The following ERC2 variants were observed in gnomAD, a reference collection of about 807,000 sequenced individuals.
ERC2 encodes ELKS/RAB6-interacting/CAST family member 2, also known as ERC protein 2.
ERC2 carries 42 observed loss-of-function variants against 114.8 expected under a neutral mutation model. The ratio of observed to expected loss-of-function variants is 0.37; its 90% confidence interval spans 0.29 to 0.47. ERC2 has a LOEUF of 0.47. Among genes scored for constraint, ERC2 ranks in the 20% least tolerant of loss-of-function variants. The pLI is 0.99. For synonymous variants in ERC2, 454 were observed against 425.5 expected, an observed-to-expected ratio of 1.07 and a Z score of -0.82; for missense variants, 939 against 1,150.7, an observed-to-expected ratio of 0.82 and a Z score of 2.66.
At chr3:55,575,915 C>T (rs1022963130) in intron 17 of ERC2, among the ~76,000 whole-genome samples, 4 of 152,214 alleles carry the variant, frequency 2.6e-5, no homozygotes, top group Non-Finnish European at 5.9e-5. Context: ...CTTTTCCTAT[C>T]CCCACTTACA....
chr3:56,184,510 A>AT (rs1421153557), intron 3 of ERC2, among the ~76,000 whole-genome samples: 1 of 152,154 alleles, frequency 6.6e-6, no homozygotes, highest in Non-Finnish European at 1.5e-5. Context: ...CTAGTGCCTG[A>AT]TTTGCTCTGC....
intron 17 of ERC2, among the ~76,000 whole-genome samples, chr3:55,629,270 G>C (rs1250308746): frequency 2.0e-5 from 3 of 152,204 alleles, no homozygotes; most frequent in Non-Finnish European, 4.4e-5. Context: ...ATGGCTCCCA[G>C]AGATGATCGG....
intron 2 of ERC2, among the ~76,000 whole-genome samples, chr3:56,370,398 C>T (rs2059317628): frequency 6.6e-6 from 1 of 152,142 alleles, no homozygotes; most frequent in South Asian, 2.1e-4. Flanking sequence ...ATTGCTAATA[C>T]TGCCTTTTGG....
intron 17 of ERC2, among the ~76,000 whole-genome samples, chr3:55,609,764 G>A (rs1358698438): frequency 1.3e-5 from 2 of 152,052 alleles, no homozygotes; most frequent in African/African-American, 2.4e-5. Flanking sequence ...TTATGGGCAG[G>A]AGGAAGCACT....
intron 17 of ERC2, among the ~76,000 whole-genome samples, chr3:55,641,029 C>G (rs991087784): frequency 6.6e-6 from 1 of 152,148 alleles, no homozygotes; most frequent in Non-Finnish European, 1.5e-5. Flanking sequence ...GAGAAAGAGG[C>G]TTCCATACAT....
intron 14 of ERC2, among the ~76,000 whole-genome samples, chr3:55,789,650 G>A (rs978812362): frequency 1.3e-5 from 2 of 152,200 alleles, no homozygotes; most frequent in South Asian, 4.1e-4. Context: ...AGGTACAATT[G>A]CTATCATTTC....
intron 7 of ERC2, among the ~76,000 whole-genome samples, chr3:56,060,951 C>T (rs2076220124): frequency 6.6e-6 from 1 of 152,114 alleles, no homozygotes; most frequent in African/African-American, 2.4e-5. Context: ...ATAAAGATGG[C>T]CTGGCATGAT....
At chr3:56,340,394 C>G (rs1007306501) in intron 2 of ERC2, among the ~76,000 whole-genome samples, 1 of 152,122 alleles carries the variant, frequency 6.6e-6, no homozygotes, top group Non-Finnish European at 1.5e-5. Context: ...TGTACCTCAG[C>G]AGGGTATCAA....
At chr3:56,417,056 G>C (rs1392870528) in intron 2 of ERC2, among the ~76,000 whole-genome samples, 8 of 152,222 alleles carry the variant, frequency 5.3e-5, no homozygotes, top group Admixed American at 5.2e-4. Context: ...TTATGCAGCA[G>C]ATGGATTCTG....
At chr3:55,542,237 C>T (rs564210056) in intron 17 of ERC2, among the ~76,000 whole-genome samples, 67 of 152,292 alleles carry the variant, frequency 4.4e-4, no homozygotes, top group African/African-American at 1.5e-3. Flanking sequence ...CTCCCTTGTG[C>T]CACGTTAATC....
chr3:56,374,611 A>G (rs1292709934), intron 2 of ERC2, among the ~76,000 whole-genome samples: 2 of 152,188 alleles, frequency 1.3e-5, no homozygotes, highest in African/African-American at 4.8e-5. Flanking sequence ...GAGGTTAAGT[A>G]ACTTCCTGAA....
At chr3:55,848,281 A>G (rs1258574979) in intron 14 of ERC2, among the ~76,000 whole-genome samples, 1 of 152,124 alleles carries the variant, frequency 6.6e-6, no homozygotes, top group African/African-American at 2.4e-5. Flanking sequence ...CTCACTCAAT[A>G]GGTATTTTAT....
intron 14 of ERC2, among the ~76,000 whole-genome samples, chr3:55,887,726 C>T (rs957049202): frequency 1.3e-5 from 2 of 152,052 alleles, no homozygotes; most frequent in Non-Finnish European, 2.9e-5. Context: ...GTCACAGGAC[C>T]ACAGGAACAA....
chr3:55,865,136 A>T (rs992842762), intron 14 of ERC2, among the ~76,000 whole-genome samples: 1 of 152,150 alleles, frequency 6.6e-6, no homozygotes. Context: ...CTAGGTTATA[A>T]CATAATGACC....
intron 2 of ERC2, among the ~76,000 whole-genome samples, chr3:56,357,255 C>T (rs562016859): frequency 1.3e-5 from 2 of 152,244 alleles, no homozygotes; most frequent in South Asian, 2.1e-4. Context: ...TAACAGCAAC[C>T]TTTACTGGGG....
chr3:55,608,405 A>G (rs2058737488), intron 17 of ERC2, among the ~76,000 whole-genome samples: 3 of 152,170 alleles, frequency 2.0e-5, no homozygotes, highest in African/African-American at 7.2e-5. Context: ...ACCAGAGGCA[A>G]TCATATAATT....
intron 14 of ERC2, among the ~76,000 whole-genome samples, chr3:55,749,669 G>T (rs756237485): frequency 4.6e-5 from 7 of 152,230 alleles, no homozygotes; most frequent in Non-Finnish European, 5.9e-5. Flanking sequence ...ATTGAAAAAC[G>T]GGCACTCCGA....
At chr3:55,756,451 G>A (rs2067065049) in intron 14 of ERC2, among the ~76,000 whole-genome samples, 1 of 152,130 alleles carries the variant, frequency 6.6e-6, no homozygotes, top group Non-Finnish European at 1.5e-5. Flanking sequence ...TGCCCCATGG[G>A]ACACAAGGAA....
rs2058260894 is a variant in ERC2 at position 56,345,282 on chromosome 3, ATT to A, written c.658-48849_658-48848del. 2.0e-5 allele frequency among the ~76,000 whole-genome samples: 3 copies of A among 152,170 alleles called. No homozygotes were observed. The South Asian group carries it at 6.2e-4, about 32-fold the overall frequency. Reference sequence around the variant, plus strand: ...TTCAATCATTCGTTCAACAGCTTTTATTGACCATCTACTCTCCGCCAGGCCCT... The same window carrying A: ...TTCAATCATTCGTTCAACAGCTTTTAGACCATCTACTCTCCGCCAGGCCCT... On this transcript the variant is annotated intron_variant, in intron 2 of 17. Transcript: ENST00000288221.
Sources: gnomAD v4.1 joint callset for allele counts (sites outside exome capture counted in the v4.1 genomes callset) on GRCh38, gnomAD v4.1.1 for gene constraint, MANE v1.5 for transcripts, NCBI Gene and HGNC (gene_info 2026-07-23, HGNC 2026-07-21) for gene names.